Variants in HPSE2 observed in about 807,000 individuals in gnomAD.
HPSE2 encodes the protein inactive heparanase-2.
HPSE2 carries 38 observed loss-of-function variants against 60.5 expected under a neutral mutation model. The observed-to-expected ratio is 0.63, with a 90% CI of 0.48 to 0.82. HPSE2 has a LOEUF of 0.82. HPSE2 is among the 40% of genes least tolerant of loss of function. The pLI is 0.00. For missense variants in HPSE2, 713 were observed against 740.4 expected, an observed-to-expected ratio of 0.96 and a Z score of 0.43; for synonymous variants, 295 against 293.2, an observed-to-expected ratio of 1.01 and a Z score of -0.06.
intron 3 of HPSE2, among the ~76,000 whole-genome samples, chr10:98,799,334 A>G (rs1725504323): frequency 6.6e-6 from 1 of 152,192 alleles, no homozygotes; most frequent in Non-Finnish European, 1.5e-5. Flanking sequence ...CCAATACATA[A>G]TAGCTGGAGA....
intron 3 of HPSE2, among the ~76,000 whole-genome samples, chr10:98,774,568 T>A (rs1950302446): frequency 1.3e-5 from 2 of 152,088 alleles, no homozygotes; most frequent in Non-Finnish European, 2.9e-5. Context: ...CCAACCCCCT[T>A]CCCCACTAAT....
intron 3 of HPSE2, among the ~76,000 whole-genome samples, chr10:98,914,490 A>G (rs1046270757): frequency 4.6e-5 from 7 of 151,456 alleles, no homozygotes; most frequent in Admixed American, 2.6e-4. Context: ...GCTGGAAGGA[A>G]CTATAAAATA....
chr10:98,577,091 A>G (rs1944662058), intron 9 of HPSE2, among the ~76,000 whole-genome samples: 2 of 151,928 alleles, frequency 1.3e-5, no homozygotes, highest in African/African-American at 4.8e-5. Flanking sequence ...TCCAAACAAC[A>G]TATTTAAACC....
At chr10:98,610,644 G>A (rs1032357628) in intron 9 of HPSE2, among the ~76,000 whole-genome samples, 1 of 152,210 alleles carries the variant, frequency 6.6e-6, no homozygotes, top group Admixed American at 6.5e-5. Flanking sequence ...GCCCACTGTG[G>A]AAAAGGCAAT....
chr10:98,808,746 T>A (rs1346380208), intron 3 of HPSE2, among the ~76,000 whole-genome samples: 1 of 152,126 alleles, frequency 6.6e-6, no homozygotes, highest in African/African-American at 2.4e-5. Flanking sequence ...ATTTCCCTAA[T>A]TTTTACAGTC....
chr10:98,782,872 T>C (rs1487125486), intron 3 of HPSE2, among the ~76,000 whole-genome samples: 1 of 137,916 alleles, frequency 7.3e-6, no homozygotes, highest in East Asian at 2.1e-4. Context: ...GATGAAGAGT[T>C]AGAATAATGG....
intron 3 of HPSE2, among the ~76,000 whole-genome samples, chr10:98,869,720 C>T (rs1952682953): frequency 6.6e-6 from 1 of 151,986 alleles, no homozygotes; most frequent in African/African-American, 2.4e-5. Flanking sequence ...ATAAACATAC[C>T]ATTTCCTAAA....
intron 6 of HPSE2, among the ~76,000 whole-genome samples, chr10:98,670,683 CATAACTT>C (rs1947482628): frequency 2.6e-5 from 4 of 152,260 alleles, no homozygotes; most frequent in Admixed American, 2.6e-4. Context: ...AAAATCAACT[CATAACTT>C]AGAAACCGAT....
intron 3 of HPSE2, among the ~76,000 whole-genome samples, chr10:98,804,697 T>C (rs970523904): frequency 3.3e-5 from 5 of 152,170 alleles, no homozygotes; most frequent in Non-Finnish European, 7.4e-5. Context: ...TGTAAATTAG[T>C]ACGACTACTA....
At chr10:98,559,488 G>T (rs1944109910) in intron 9 of HPSE2, among the ~76,000 whole-genome samples, 1 of 152,174 alleles carries the variant, frequency 6.6e-6, no homozygotes, top group South Asian at 2.1e-4. Context: ...TACCCTGAAG[G>T]CTTCTCTCCT....
At chr10:99,163,210 C>CAAAA (rs35632219) in intron 2 of HPSE2, among the ~76,000 whole-genome samples, 1 of 143,806 alleles carries the variant, frequency 7.0e-6, no homozygotes. Flanking sequence ...GACTCCATCT[C>CAAAA]AAAAAAAAAA....
At chr10:99,191,521 A>C (rs1057408720) in intron 2 of HPSE2, among the ~76,000 whole-genome samples, 1 of 152,250 alleles carries the variant, frequency 6.6e-6, no homozygotes, top group African/African-American at 2.4e-5. Context: ...CTCCCAAGGC[A>C]GTACCTCTAT....
chr10:99,309,817 A>G, the HPSE2 span, among the ~76,000 whole-genome samples: 1 of 152,210 alleles, frequency 6.6e-6, no homozygotes, highest in Non-Finnish European at 1.5e-5. Context: ...ATTCTGGAAA[A>G]CTATATGGCA....
intron 3 of HPSE2, among the ~76,000 whole-genome samples, chr10:99,085,251 T>C (rs1826817181): frequency 6.6e-6 from 1 of 152,224 alleles, no homozygotes; most frequent in Non-Finnish European, 1.5e-5. Context: ...CTAGAACTTG[T>C]TTAGACCAAC....
At chr10:99,150,251 T>G (rs532196941) in intron 2 of HPSE2, among the ~76,000 whole-genome samples, 1 of 152,308 alleles carries the variant, frequency 6.6e-6, no homozygotes, top group Non-Finnish European at 1.5e-5. Context: ...TTCCATAAAC[T>G]AACCAGTTAG....
chr10:99,047,986 A>T (rs1957896864), intron 3 of HPSE2: 2 of 709,104 alleles, frequency 2.8e-6, no homozygotes, highest in African/African-American at 3.5e-5. Flanking sequence ...GCCTTCATCA[A>T]GTCTTCAATG....
chr10:99,108,512 A>G (rs1196663005), intron 3 of HPSE2, among the ~76,000 whole-genome samples: 2 of 152,192 alleles, frequency 1.3e-5, no homozygotes, highest in African/African-American at 4.8e-5. Flanking sequence ...ATTTTATCAC[A>G]TAAACAATCA....
At chr10:98,712,347 T>C (rs1948695279) in intron 5 of HPSE2, among the ~76,000 whole-genome samples, 1 of 151,898 alleles carries the variant, frequency 6.6e-6, no homozygotes, top group Admixed American at 6.6e-5. Flanking sequence ...AGTGTAAATA[T>C]AATTTTTAAT....
chr10:98,817,730 A>G (rs1377382211), intron 3 of HPSE2, among the ~76,000 whole-genome samples: 1 of 152,076 alleles, frequency 6.6e-6, no homozygotes, highest in Non-Finnish European at 1.5e-5. Context: ...AAACTGTTCA[A>G]ATTCACCCTT....
Sources: gnomAD v4.1 joint callset for allele counts (sites outside exome capture counted in the v4.1 genomes callset) on GRCh38, gnomAD v4.1.1 for gene constraint, MANE v1.5 for transcripts, NCBI Gene and HGNC (gene_info 2026-07-23, HGNC 2026-07-21) for gene names.